HS3ST3A1: variants seen among roughly 807,000 people sequenced by gnomAD.
HS3ST3A1 encodes heparan sulfate glucosamine 3-O-sulfotransferase 3A1.
A neutral mutation model predicts 25.7 loss-of-function variants in HS3ST3A1; 19 were observed. That is an observed-to-expected ratio of 0.74 (90% CI 0.52 to 1.08). HS3ST3A1 has a LOEUF of 1.08. Ranked by LOEUF, HS3ST3A1 falls within the 50% of genes least tolerant of loss-of-function variation. The probability of loss-of-function intolerance (pLI) is 0.00; values close to 1 mark genes in which losing one functional copy is unlikely to be tolerated. For synonymous variants in HS3ST3A1, 226 were observed against 278.6 expected (o/e 0.81, Z 1.88); for missense variants, 459 against 594.3 (o/e 0.77, Z 2.37).
intron 1 of HS3ST3A1, among the ~76,000 whole-genome samples, chr17:13,596,610 C>A (rs1908584572): frequency 6.6e-6 from 1 of 152,072 alleles, no homozygotes; most frequent in South Asian, 2.1e-4. Flanking sequence ...GTACGCTAGA[C>A]TCAGAGTCCA....
intron 1 of HS3ST3A1, among the ~76,000 whole-genome samples, chr17:13,591,266 C>T (rs1475563921): frequency 6.6e-6 from 1 of 151,464 alleles, no homozygotes; most frequent in Non-Finnish European, 1.5e-5. Context: ...AGGCTGGTCT[C>T]GAATTCCTGA....
intron 1 of HS3ST3A1, among the ~76,000 whole-genome samples, chr17:13,537,711 A>G (rs1033524107): frequency 2.0e-5 from 3 of 152,238 alleles, no homozygotes; most frequent in Admixed American, 2.0e-4. Flanking sequence ...TTTTCTTTCA[A>G]GTATTAAAGA....
intron 1 of HS3ST3A1, among the ~76,000 whole-genome samples, chr17:13,515,559 T>C (rs1263678790): frequency 6.8e-6 from 1 of 146,804 alleles, no homozygotes; most frequent in Admixed American, 7.1e-5. Flanking sequence ...CTGGAGGACA[T>C]CGTGGTCAGT....
chr17:13,517,486 A>G (rs371387112), intron 1 of HS3ST3A1, among the ~76,000 whole-genome samples: 60 of 152,298 alleles, frequency 3.9e-4, no homozygotes, highest in African/African-American at 1.4e-3. Context: ...ATTTAGAAAA[A>G]GCTTCACAAA....
chr17:13,591,921 A>G (rs115731925), intron 1 of HS3ST3A1, among the ~76,000 whole-genome samples: 2,490 of 152,156 alleles, frequency 0.016, 69 homozygotes, highest in African/African-American at 0.056. Context: ...CTGTCTCCCA[A>G]AGTGCCGGGA....
At chr17:13,590,941 A>G (rs1218918010) in intron 1 of HS3ST3A1, among the ~76,000 whole-genome samples, 2 of 152,102 alleles carry the variant, frequency 1.3e-5, no homozygotes, top group Non-Finnish European at 2.9e-5. Context: ...AAGGGACCTC[A>G]GGGTAGCTCG....
intron 1 of HS3ST3A1, among the ~76,000 whole-genome samples, chr17:13,574,930 A>G (rs1907913265): frequency 1.3e-5 from 2 of 152,048 alleles, no homozygotes; most frequent in African/African-American, 4.8e-5. Flanking sequence ...CTTGAAGACA[A>G]AATATCCCCT....
chr17:13,536,376 G>A (rs182742656), intron 1 of HS3ST3A1, among the ~76,000 whole-genome samples: 4 of 152,164 alleles, frequency 2.6e-5, no homozygotes, highest in South Asian at 2.1e-4. Flanking sequence ...TTTTATAGAC[G>A]TGAGAAAATA....
chr17:13,539,082 G>A (rs1906852355), intron 1 of HS3ST3A1, among the ~76,000 whole-genome samples: 1 of 152,292 alleles, frequency 6.6e-6, no homozygotes, highest in Middle Eastern at 3.4e-3. Flanking sequence ...TGGGTCCTCA[G>A]CTGTGGTGGC....
chr17:13,544,832 T>C (rs989917192), intron 1 of HS3ST3A1, among the ~76,000 whole-genome samples: 21 of 151,438 alleles, frequency 1.4e-4, no homozygotes, highest in Admixed American at 9.9e-4. Flanking sequence ...TGATTGGAGA[T>C]TGTTTAGGAA....
intron 1 of HS3ST3A1, among the ~76,000 whole-genome samples, chr17:13,521,215 G>A (rs1011851265): frequency 6.6e-5 from 10 of 152,180 alleles, no homozygotes; most frequent in African/African-American, 2.2e-4. Context: ...CAGATCCTTT[G>A]CTAATTGCTT....
chr17:13,511,398 G>A (rs896899678), intron 1 of HS3ST3A1, among the ~76,000 whole-genome samples: 1 of 152,066 alleles, frequency 6.6e-6, no homozygotes, highest in Non-Finnish European at 1.5e-5. Context: ...GAGGGAAGTA[G>A]TTAGCTAAGA....
At chr17:13,510,516 T>G (rs919263227) in intron 1 of HS3ST3A1, among the ~76,000 whole-genome samples, 1 of 152,228 alleles carries the variant, frequency 6.6e-6, no homozygotes, top group African/African-American at 2.4e-5. Flanking sequence ...GCTATTTTTC[T>G]GTCAGTTTAT....
intron 1 of HS3ST3A1, among the ~76,000 whole-genome samples, chr17:13,559,338 A>T (rs762188413): frequency 1.1e-4 from 16 of 152,120 alleles, no homozygotes; most frequent in Non-Finnish European, 1.6e-4. Context: ...CTCTTCAAGC[A>T]TCTAGAAATT....
At chr17:13,548,511 A>G (rs1907148857) in intron 1 of HS3ST3A1, among the ~76,000 whole-genome samples, 1 of 152,152 alleles carries the variant, frequency 6.6e-6, no homozygotes, top group Non-Finnish European at 1.5e-5. Context: ...ATGTGTCTTA[A>G]TATCTTAGAT....
chr17:13,586,632 C>G (rs2142388204), intron 1 of HS3ST3A1, among the ~76,000 whole-genome samples: 1 of 151,778 alleles, frequency 6.6e-6, no homozygotes, highest in South Asian at 2.1e-4. Flanking sequence ...CTTTGGGACG[C>G]CGAGGCGGGC....
intron 1 of HS3ST3A1, among the ~76,000 whole-genome samples, chr17:13,576,243 G>T (rs1343967660): frequency 6.6e-6 from 1 of 152,204 alleles, no homozygotes; most frequent in Non-Finnish European, 1.5e-5. Context: ...GCTTAAGTGG[G>T]TGGTCCCAGC....
At chr17:13,525,367 A>T (rs1404172335) in intron 1 of HS3ST3A1, among the ~76,000 whole-genome samples, 2 of 151,676 alleles carry the variant, frequency 1.3e-5, no homozygotes, top group Non-Finnish European at 1.5e-5. Flanking sequence ...CTGAAATGTA[A>T]TATTTCAAGG....
intron 1 of HS3ST3A1, among the ~76,000 whole-genome samples, chr17:13,581,770 T>C (rs1908121021): frequency 6.6e-6 from 1 of 152,204 alleles, no homozygotes; most frequent in African/African-American, 2.4e-5. Flanking sequence ...GTCTATCAGA[T>C]AAGTATTGGG....
Sources: gnomAD v4.1 joint callset for allele counts (sites outside exome capture counted in the v4.1 genomes callset) on GRCh38, gnomAD v4.1.1 for gene constraint, MANE v1.5 for transcripts, NCBI Gene and HGNC (gene_info 2026-07-23, HGNC 2026-07-21) for gene names.